The following PIK3R4 variants were observed in gnomAD, a reference collection of about 807,000 sequenced individuals.
The protein encoded by PIK3R4 is phosphoinositide-3-kinase regulatory subunit 4.
A neutral mutation model predicts 136.5 loss-of-function variants in PIK3R4; 46 were observed. The observed-to-expected ratio is 0.34, with a 90% CI of 0.27 to 0.43. The LOEUF (loss-of-function observed/expected upper bound fraction) is 0.43. PIK3R4 is among the 20% of genes least tolerant of loss of function. The pLI, the probability that PIK3R4 is intolerant of heterozygous loss-of-function variation, is 1.00. For missense variants in PIK3R4, 1,331 were observed against 1,649.5 expected, an observed-to-expected ratio of 0.81 and a Z score of 3.35; for synonymous variants, 557 against 566.7, an observed-to-expected ratio of 0.98 and a Z score of 0.24.
intron 2 of PIK3R4, among the ~76,000 whole-genome samples, chr3:130,741,662 T>C (rs1284983017): frequency 6.6e-6 from 1 of 152,120 alleles, no homozygotes; most frequent in Non-Finnish European, 1.5e-5. Flanking sequence ...GCCTTTTCAA[T>C]ATCATTCTGC....
intron 4 of PIK3R4, among the ~76,000 whole-genome samples, chr3:130,731,142 G>GT (rs1316995644): frequency 8.5e-5 from 13 of 152,086 alleles, no homozygotes; most frequent in African/African-American, 3.1e-4. Flanking sequence ...ACTATCAATT[G>GT]TATCTGCTCT....
intron 6 of PIK3R4, among the ~76,000 whole-genome samples, chr3:130,724,773 GAGA>G (rs757983255): frequency 1.3e-5 from 2 of 151,930 alleles, no homozygotes; most frequent in Non-Finnish European, 2.9e-5. Context: ...AAACTGAAAA[GAGA>G]AGAAGGATCA....
At chr3:130,688,130 C>T (rs761820420) in intron 14 of PIK3R4, among the ~76,000 whole-genome samples, 3 of 152,198 alleles carry the variant, frequency 2.0e-5, no homozygotes, top group Admixed American at 6.5e-5. Context: ...TGATAATCTC[C>T]AACTCCTATC....
At chr3:130,727,642 GA>G (rs1039042165) in intron 6 of PIK3R4, among the ~76,000 whole-genome samples, 6 of 152,172 alleles carry the variant, frequency 3.9e-5, no homozygotes, top group African/African-American at 1.4e-4. Flanking sequence ...AACTATGTGG[GA>G]AATGATATAA....
At chr3:130,692,623 C>G (rs1198152468) in intron 13 of PIK3R4, among the ~76,000 whole-genome samples, 1 of 152,230 alleles carries the variant, frequency 6.6e-6, no homozygotes, top group East Asian at 1.9e-4. Flanking sequence ...TGAGTCATTT[C>G]CACCTTTTGG....
intron 19 of PIK3R4, among the ~76,000 whole-genome samples, chr3:130,680,268 A>G (rs910354364): frequency 6.6e-6 from 1 of 152,150 alleles, no homozygotes; most frequent in African/African-American, 2.4e-5. Flanking sequence ...ACAGTCCCAA[A>G]GCCAGGTTTA....
At chr3:130,711,902 T>C (rs1258550861) in intron 9 of PIK3R4, among the ~76,000 whole-genome samples, 1 of 152,234 alleles carries the variant, frequency 6.6e-6, no homozygotes, top group East Asian at 1.9e-4. Flanking sequence ...ATTTTAAACC[T>C]GTATTTATAC....
intron 2 of PIK3R4, among the ~76,000 whole-genome samples, chr3:130,743,152 T>C (rs186170097): frequency 6.6e-6 from 1 of 152,150 alleles, no homozygotes; most frequent in African/African-American, 2.4e-5. Flanking sequence ...AGTTCATGCC[T>C]GTAATCCCAA....
chr3:130,685,154 G>A (rs1163984703), intron 15 of PIK3R4, among the ~76,000 whole-genome samples: 1 of 152,104 alleles, frequency 6.6e-6, no homozygotes, highest in African/African-American at 2.4e-5. Context: ...TGGGAAAAGG[G>A]GAAATGTTGA....
chr3:130,744,572 C>T lies in PIK3R4; in HGVS notation c.647G>A (p.Arg216Lys), dbSNP rs368074034. 1 of 1,614,080 alleles carries T rather than the reference C, an allele frequency of 6.2e-7. No homozygotes were observed. The highest frequency in any genetic ancestry group is 2.2e-5 in the East Asian group (1 of 44,902). Residue 216 changes from arginine to lysine, a missense_variant, in exon 2 of 20, where the codon AGA (arginine) becomes AAA (lysine). Arg to Lys is a conservative substitution (Grantham distance 26, BLOSUM62 2). Coordinates refer to ENST00000356763, the MANE Select transcript of PIK3R4 (RefSeq NM_014602.3). ...GTCTACAAGCGGAGTTGAAGGATCT[C>T]TCATATATTCTAACTCAGTGGCAAA... Reference protein sequence around the residue: ...GMFATELEYMRDPSTPLVDLN... With the variant: ...GMFATELEYMKDPSTPLVDLN...
chr3:130,686,387 T>G lies in PIK3R4; in HGVS notation c.3299A>C (p.Asp1100Ala). Residue 1100 changes from aspartate to alanine, a missense_variant, in exon 15 of 20, where the codon GAT (aspartate) becomes GCT (alanine). Around this residue, in one of 2 missense-constraint regions of PIK3R4, gnomAD observed 1,180 missense variants for 1,407.0 expected, o/e 0.84. Coordinates refer to ENST00000356763, the MANE Select transcript of PIK3R4 (RefSeq NM_014602.3). ...TGCTCCAGAGTTGAAGTGATGCATA[T>G]CCACAACACAACCGTCCTCCTTCTG... ...LDQKEDGCVVDMHHFNSGAQS... is the reference protein window; with the variant it reads ...LDQKEDGCVVAMHHFNSGAQS... The G allele has an allele frequency of 6.2e-7, 1 of 1,612,458 alleles. No individual in the cohort carries two copies. Among genetic ancestry groups the G allele is most frequent in the Non-Finnish European group, 8.5e-7 (1 of 1,178,544 alleles).
Position 130,723,606 on chromosome 3 carries a change from AT to A in PIK3R4, c.1808-20del. On this transcript the variant is annotated intron_variant, in intron 6 of 19. Coordinates refer to ENST00000356763, the MANE Select transcript of PIK3R4 (RefSeq NM_014602.3). ...GCAACACCTGGAAATGAAAAGCAAT[AT>A]TATGTGATTATTCAATACCTAAAAG... is the stretch of plus-strand genomic sequence containing the variant. The A allele has an allele frequency of 6.2e-7, 1 of 1,603,874 alleles. No individual in the cohort carries two copies. Among genetic ancestry groups the A allele is most frequent in the African/African-American group, 1.3e-5 (1 of 74,460 alleles).
intron 8 of PIK3R4, among the ~76,000 whole-genome samples, chr3:130,716,802 G>A (rs1212876648): frequency 6.9e-6 from 1 of 144,472 alleles, no homozygotes; most frequent in Admixed American, 7.4e-5. Flanking sequence ...TGTAGCGCTA[G>A]ACCACACGTG....
chr3:130,697,340 T>C (rs1445819244), intron 13 of PIK3R4, among the ~76,000 whole-genome samples: 1 of 152,108 alleles, frequency 6.6e-6, no homozygotes, highest in African/African-American at 2.4e-5. Context: ...CCAAAGTGCT[T>C]GGGATTACAG....
intron 9 of PIK3R4, among the ~76,000 whole-genome samples, chr3:130,711,779 A>C (rs979613187): frequency 2.6e-5 from 4 of 152,240 alleles, no homozygotes; most frequent in Non-Finnish European, 5.9e-5. Context: ...CTGCAAAGCA[A>C]TTCAACACCC....
At position 130,728,686 on chromosome 3, in the gene PIK3R4, TAAA is replaced by T. The variant is rs5852606; in HGVS notation, c.1586-5_1586-3del. 2,257 of 1,022,050 alleles carry T rather than the reference TAAA, an allele frequency of 2.2e-3. No individual in the cohort carries two copies. The highest frequency in any genetic ancestry group is 3.6e-3 in the South Asian group (150 of 41,370). The allele number at this position is 1,022,050 out of a possible 1,614,324, so 63.3% of individuals were successfully genotyped here. On this transcript the variant is annotated splice_polypyrimidine_tract_variant and splice_region_variant and intron_variant, in intron 5 of 19. Coordinates refer to ENST00000356763, the MANE Select transcript of PIK3R4 (RefSeq NM_014602.3). ...CCATTTCATGTAAGGCTTGGAGCTC[TAAA>T]AAAAAAAAAAAAAGAAAGAAAGAAA...
At chr3:130,682,076 G>A (rs1022338187) in intron 16 of PIK3R4, among the ~76,000 whole-genome samples, 1 of 152,166 alleles carries the variant, frequency 6.6e-6, no homozygotes, top group African/African-American at 2.4e-5. Context: ...CCAGCCTGTG[G>A]TAGGCTAAAT....
chr3:130,683,764 T>G (rs980393950), intron 16 of PIK3R4, among the ~76,000 whole-genome samples: 1 of 152,120 alleles, frequency 6.6e-6, no homozygotes, highest in African/African-American at 2.4e-5. Flanking sequence ...CTCTACAAGG[T>G]AAGTATTTTT....
In PIK3R4 at chr3:130,725,821, T is replaced by C. The variant is rs1254318923; in HGVS notation, c.1808-2234A>G. 2.0e-5 allele frequency: 3 copies of C among 152,034 alleles called. No homozygotes were observed. In the East Asian group the frequency reaches 5.8e-4, roughly 29 times the overall value. The allele number at this position is 152,034 out of a possible 1,614,324, so 9.4% of individuals were successfully genotyped here. A position where few individuals can be genotyped will look rare whatever the true frequency, so the allele number is the denominator to read the frequency against. ...AAATTCATAGAATTAGAAATATGAA[T>C]GCATAATCAACATGAAAAAGTTTTT... On this transcript the variant is annotated intron_variant, in intron 6 of 19. Transcript: ENST00000356763.
Sources: gnomAD v4.1 joint callset for allele counts (sites outside exome capture counted in the v4.1 genomes callset) on GRCh38, gnomAD v4.1.1 for gene constraint, gnomAD v4.1.1 regional missense constraint, MANE v1.5 for transcripts, NCBI Gene and HGNC (gene_info 2026-07-23, HGNC 2026-07-21) for gene names.